ZBTB20: variants seen among roughly 807,000 people sequenced by gnomAD.
The protein encoded by ZBTB20 is zinc finger and BTB domain containing 20, also known as zinc finger and BTB domain-containing protein 20.
ZBTB20 carries 9 observed loss-of-function variants against 56.9 expected under a neutral mutation model. The ratio of observed to expected loss-of-function variants is 0.16; its 90% CI spans 0.10 to 0.28. The LOEUF is 0.28. Among genes scored for constraint, ZBTB20 ranks in the 10% least tolerant of loss-of-function variants. The probability of loss-of-function intolerance (pLI) is 1.00; values close to 1 mark genes in which losing one functional copy is unlikely to be tolerated. For missense variants in ZBTB20, 655 were observed against 1,003.0 expected, an observed-to-expected ratio of 0.65 and a Z score of 4.69; for synonymous variants, 417 against 420.7, an observed-to-expected ratio of 0.99 and a Z score of 0.11.
intron 4 of ZBTB20, among the ~76,000 whole-genome samples, chr3:114,810,810 G>A (rs1049929587): frequency 1.3e-5 from 2 of 152,110 alleles, no homozygotes; most frequent in African/African-American, 2.4e-5. Flanking sequence ...GGGGTGGCGG[G>A]GGGGAAGTCT....
intron 10 of ZBTB20, among the ~76,000 whole-genome samples, chr3:114,376,721 G>C (rs2083677569): frequency 6.6e-6 from 1 of 152,170 alleles, no homozygotes; most frequent in Admixed American, 6.5e-5. Flanking sequence ...AATAAAAACT[G>C]TTCATGCGTA....
At chr3:114,863,221 A>G (rs2075610899) in intron 4 of ZBTB20, among the ~76,000 whole-genome samples, 1 of 152,168 alleles carries the variant, frequency 6.6e-6, no homozygotes, top group African/African-American at 2.4e-5. Flanking sequence ...TGGAGGGGAT[A>G]TCTGAAAATC....
At chr3:114,833,069 A>G (rs910137141) in intron 4 of ZBTB20, among the ~76,000 whole-genome samples, 85 of 152,192 alleles carry the variant, frequency 5.6e-4, no homozygotes, top group African/African-American at 1.8e-3. Context: ...GAAATCCTAG[A>G]AAAATCAAAG....
At chr3:114,510,496 G>A (rs964631709) in intron 6 of ZBTB20, among the ~76,000 whole-genome samples, 1 of 151,292 alleles carries the variant, frequency 6.6e-6, no homozygotes, top group Non-Finnish European at 1.5e-5. Flanking sequence ...CCCACACTGA[G>A]CTTTTTTTTT....
chr3:114,990,182 G>GT (rs1232664830), intron 2 of ZBTB20, among the ~76,000 whole-genome samples: 10 of 152,218 alleles, frequency 6.6e-5, no homozygotes, highest in Non-Finnish European at 1.3e-4. Context: ...TCTTGTGCCC[G>GT]TTTTCAAAGG....
chr3:115,028,306 G>A (rs916651004), intron 2 of ZBTB20, among the ~76,000 whole-genome samples: 4 of 150,696 alleles, frequency 2.7e-5, no homozygotes, highest in African/African-American at 9.7e-5. Context: ...CAGCAAAGGA[G>A]GCTACTGAGC....
intron 7 of ZBTB20, among the ~76,000 whole-genome samples, chr3:114,389,465 C>T (rs1004996110): frequency 5.3e-5 from 8 of 150,478 alleles, no homozygotes; most frequent in Admixed American, 5.3e-4. Context: ...TTCTAGTATC[C>T]TTTTCTTTTT....
chr3:114,749,861 T>C (rs761858056), intron 5 of ZBTB20, among the ~76,000 whole-genome samples: 3 of 152,204 alleles, frequency 2.0e-5, no homozygotes, highest in African/African-American at 4.8e-5. Flanking sequence ...GTTTTAAGAA[T>C]TAAATGTAAA....
chr3:115,012,695 A>G (rs1189718874), intron 2 of ZBTB20, among the ~76,000 whole-genome samples: 2 of 151,886 alleles, frequency 1.3e-5, no homozygotes, highest in African/African-American at 4.8e-5. Context: ...TTCAGATTTA[A>G]TCTGTGCTAT....
intron 6 of ZBTB20, among the ~76,000 whole-genome samples, chr3:114,581,386 C>T (rs1298912447): frequency 1.3e-5 from 2 of 151,836 alleles, no homozygotes; most frequent in Admixed American, 6.6e-5. Flanking sequence ...CATAAAAGCA[C>T]AAATTATGAA....
chr3:114,849,275 G>A (rs956493121), intron 4 of ZBTB20, among the ~76,000 whole-genome samples: 1 of 152,020 alleles, frequency 6.6e-6, no homozygotes, highest in Non-Finnish European at 1.5e-5. Flanking sequence ...TCTTTTAAGT[G>A]TAAGAACCTG....
Position 114,929,791 on chromosome 3 carries a change from G to A in ZBTB20, c.-455-29449C>T, listed in dbSNP as rs145364370. 8.9e-3 allele frequency among the ~76,000 whole-genome samples: 1,350 copies of A among 152,254 alleles called. 21 individuals carry two copies. Among genetic ancestry groups the A allele is most frequent in the African/African-American group, 0.03 (1,264 of 41,526 alleles). On this transcript the variant is annotated intron_variant, in intron 3 of 11. Transcript: ENST00000675478. ...TTTGTTTTGAAAAGGCAATATAAGT[G>A]AATTAATCTATCATCAGGCTAATAA...
intron 4 of ZBTB20, among the ~76,000 whole-genome samples, chr3:114,880,370 A>C (rs2076354926): frequency 1.3e-5 from 2 of 151,684 alleles, no homozygotes; most frequent in Middle Eastern, 3.2e-3. Flanking sequence ...ACCTCTTCCC[A>C]CCTCTTTGTA....
At chr3:114,579,241 A>G (rs2054399441) in intron 6 of ZBTB20, among the ~76,000 whole-genome samples, 1 of 151,784 alleles carries the variant, frequency 6.6e-6, no homozygotes, top group African/African-American at 2.4e-5. Flanking sequence ...AACCACATAA[A>G]ACACATCATT....
chr3:115,080,494 A>G (rs904692327), intron 1 of ZBTB20, among the ~76,000 whole-genome samples: 3 of 152,224 alleles, frequency 2.0e-5, no homozygotes, highest in Admixed American at 1.3e-4. Context: ...GCTAGAAAAT[A>G]TAGAAGAAAA....
At chr3:114,891,014 T>C (rs1670891234) in intron 4 of ZBTB20, among the ~76,000 whole-genome samples, 1 of 152,174 alleles carries the variant, frequency 6.6e-6, no homozygotes, top group African/African-American at 2.4e-5. Context: ...AAGTTCAGCC[T>C]CTTCCCAGCA....
chr3:114,537,167 A>G (rs892852661), intron 6 of ZBTB20, among the ~76,000 whole-genome samples: 9 of 152,232 alleles, frequency 5.9e-5, no homozygotes, highest in Admixed American at 3.9e-4. Flanking sequence ...GAGCTTCTGC[A>G]CAGCAAAAGA....
chr3:114,705,753 G>A (rs752296339), intron 5 of ZBTB20, among the ~76,000 whole-genome samples: 7 of 152,102 alleles, frequency 4.6e-5, no homozygotes, highest in South Asian at 2.1e-4. Flanking sequence ...ATCCGAACAC[G>A]GAGGAATTTT....
intron 6 of ZBTB20, among the ~76,000 whole-genome samples, chr3:114,590,811 C>A (rs2055684530): frequency 6.6e-6 from 1 of 152,160 alleles, no homozygotes; most frequent in East Asian, 1.9e-4. Context: ...TTAGAGAAGT[C>A]ATTTCTTCCC....
Sources: allele counts gnomAD v4.1 joint callset (sites outside exome capture counted in the v4.1 genomes callset), GRCh38; gene constraint gnomAD v4.1.1; transcripts MANE v1.5; gene names NCBI Gene and HGNC (gene_info 2026-07-23, HGNC 2026-07-21).